The following NCAM2 variants were observed in gnomAD, a reference collection of about 807,000 sequenced individuals.
NCAM2 encodes N-CAM-2.
Under a neutral mutation model 98.1 loss-of-function variants are expected in NCAM2, and 30 were observed. The observed-to-expected ratio is 0.31, with a 90% CI of 0.23 to 0.41. The LOEUF (loss-of-function observed/expected upper bound fraction) is 0.41, where lower values mean the gene tolerates loss of function less well. Among genes scored for constraint, NCAM2 ranks in the 10% least tolerant of loss-of-function variants. The probability of loss-of-function intolerance (pLI) is 1.00; values close to 1 mark genes in which losing one functional copy is unlikely to be tolerated. For missense variants in NCAM2, 867 were observed against 1,005.8 expected (o/e 0.86, Z 1.87); for synonymous variants, 368 against 342.4 (o/e 1.07, Z -0.83).
At chr21:21,272,664 A>T (rs993574496) in intron 1 of NCAM2, among the ~76,000 whole-genome samples, 3 of 152,104 alleles carry the variant, frequency 2.0e-5, no homozygotes, top group Non-Finnish European at 2.9e-5. Context: ...AGGGACATTT[A>T]AAAAAAGAAT....
intron 1 of NCAM2, among the ~76,000 whole-genome samples, chr21:21,035,349 A>G (rs2064774877): frequency 6.6e-6 from 1 of 152,164 alleles, no homozygotes; most frequent in Non-Finnish European, 1.5e-5. Flanking sequence ...AAGAATACTC[A>G]TGGATAGTTA....
At chr21:21,068,126 CTTTTTTTTCTTTTTTT>C (rs2065478655) in intron 1 of NCAM2, among the ~76,000 whole-genome samples, 2 of 127,568 alleles carry the variant, frequency 1.6e-5, no homozygotes. Context: ...AAAATAATGA[CTTTTTTTTCTTTTTTT>C]TTTTTTTTTT....
chr21:21,018,461 G>C (rs1186660122), intron 1 of NCAM2, among the ~76,000 whole-genome samples: 1 of 152,170 alleles, frequency 6.6e-6, no homozygotes, highest in Non-Finnish European at 1.5e-5. Flanking sequence ...TTTTACATTG[G>C]ACTGCACAAC....
At chr21:21,487,054 G>C (rs1011867701) in intron 15 of NCAM2, among the ~76,000 whole-genome samples, 2 of 152,072 alleles carry the variant, frequency 1.3e-5, no homozygotes, top group Admixed American at 1.3e-4. Context: ...AATAGGCTTT[G>C]TGATCTGCCT....
At chr21:21,323,377 T>C (rs1181496107) in intron 5 of NCAM2, among the ~76,000 whole-genome samples, 2 of 152,174 alleles carry the variant, frequency 1.3e-5, no homozygotes, top group East Asian at 3.8e-4. Flanking sequence ...CCAGTTCTTA[T>C]CTCTACCATC....
At chr21:21,394,780 A>G (rs749718859) in intron 9 of NCAM2, among the ~76,000 whole-genome samples, 1 of 152,084 alleles carries the variant, frequency 6.6e-6, no homozygotes, top group Admixed American at 6.6e-5. Flanking sequence ...CAAAATAATT[A>G]TAAAGGTCTA....
intron 5 of NCAM2, among the ~76,000 whole-genome samples, chr21:21,310,819 A>G (rs962078239): frequency 6.6e-6 from 1 of 152,122 alleles, no homozygotes; most frequent in Admixed American, 6.6e-5. Flanking sequence ...TAATCCCTTT[A>G]TAGTCACTTC....
chr21:21,443,690 C>T (rs1266638756), intron 12 of NCAM2, among the ~76,000 whole-genome samples: 1 of 152,008 alleles, frequency 6.6e-6, no homozygotes, highest in African/African-American at 2.4e-5. Flanking sequence ...TGAGAGATAG[C>T]CCTTTTCCAT....
chr21:21,387,187 TACACACAC>T (rs61585220), intron 9 of NCAM2, among the ~76,000 whole-genome samples: 3,137 of 121,292 alleles, frequency 0.026, 113 homozygotes, highest in African/African-American at 0.083. Flanking sequence ...CACACACACA[TACACACAC>T]ACACACACAC....
chr21:21,335,715 A>C, intron 7 of NCAM2, 50 bp downstream of exon 7: 3 of 1,371,828 alleles, frequency 2.2e-6, no homozygotes, highest in Non-Finnish European at 2.9e-6. Flanking sequence ...TTGGAAGATC[A>C]GAGTGAAATT....
chr21:21,178,799 C>T (rs903402815), intron 1 of NCAM2, among the ~76,000 whole-genome samples: 1 of 151,706 alleles, frequency 6.6e-6, no homozygotes, highest in African/African-American at 2.4e-5. Context: ...TATTTATTTT[C>T]TAAAAAATGA....
chr21:21,210,967 AACACACACACACACACAC>A (rs71195310), intron 1 of NCAM2, among the ~76,000 whole-genome samples: 2,462 of 127,282 alleles, frequency 0.019, 37 homozygotes, highest in African/African-American at 0.042. Flanking sequence ...ACTCTCCCCA[AACACACACACACACACAC>A]ACACACACAC....
intron 1 of NCAM2, among the ~76,000 whole-genome samples, chr21:21,160,856 T>A (rs2067761280): frequency 6.6e-6 from 1 of 152,056 alleles, no homozygotes; most frequent in South Asian, 2.1e-4. Context: ...ACATTCTGCT[T>A]TAATTATTCT....
chr21:21,382,763 C>T (rs1158742567), intron 9 of NCAM2, among the ~76,000 whole-genome samples: 3 of 151,958 alleles, frequency 2.0e-5, no homozygotes, highest in Non-Finnish European at 2.9e-5. Context: ...GACTCCTGAC[C>T]TCGTGATCTG....
At chr21:21,268,790 G>A (rs1248844790) in intron 1 of NCAM2, among the ~76,000 whole-genome samples, 2 of 152,140 alleles carry the variant, frequency 1.3e-5, no homozygotes, top group Non-Finnish European at 2.9e-5. Context: ...AGAAGGTACC[G>A]AATTTGCCCC....
intron 1 of NCAM2, among the ~76,000 whole-genome samples, chr21:21,278,066 T>C (rs2072792960): frequency 6.6e-6 from 1 of 152,092 alleles, no homozygotes; most frequent in Non-Finnish European, 1.5e-5. Context: ...AGATTAGATT[T>C]TGAGAAAGTA....
chr21:21,085,851 A>G (rs1379294947), intron 1 of NCAM2, among the ~76,000 whole-genome samples: 3 of 152,214 alleles, frequency 2.0e-5, no homozygotes, highest in African/African-American at 4.8e-5. Context: ...AAAATGTTAC[A>G]TAAGTAGAGT....
intron 5 of NCAM2, among the ~76,000 whole-genome samples, chr21:21,313,572 T>C (rs1296479079): frequency 4.6e-5 from 7 of 151,994 alleles, no homozygotes. Flanking sequence ...TTTTATTTTA[T>C]TCTAGTTTTA....
At chr21:21,487,147 T>C (rs1268203370) in intron 15 of NCAM2, among the ~76,000 whole-genome samples, 2 of 152,148 alleles carry the variant, frequency 1.3e-5, no homozygotes, top group Non-Finnish European at 2.9e-5. Context: ...ACATTTTACA[T>C]CCTAGGATTT....
Sources: allele counts gnomAD v4.1 joint callset (sites outside exome capture counted in the v4.1 genomes callset), GRCh38; gene constraint gnomAD v4.1.1; transcripts MANE v1.5; gene names NCBI Gene and HGNC (gene_info 2026-07-23, HGNC 2026-07-21).